The following ZNF614 variants were observed in gnomAD, a reference collection of about 807,000 sequenced individuals.
ZNF614 encodes zinc finger protein 614.
A neutral mutation model predicts 12.8 loss-of-function variants in ZNF614; 11 were observed. The ratio of observed to expected loss-of-function variants is 0.86; its 90% CI spans 0.54 to 1.43. The LOEUF (loss-of-function observed/expected upper bound fraction) is 1.43. Among genes scored for constraint, ZNF614 ranks in the 40% most tolerant of loss-of-function variants. The pLI, the probability that ZNF614 is intolerant of heterozygous loss-of-function variation, is 0.00. For missense variants in ZNF614, 664 were observed against 708.8 expected (o/e 0.94, Z 0.72); for synonymous variants, 237 against 237.5 (o/e 1.00, Z 0.02).
Position 52,016,973 on chromosome 19 carries a change from C to A in ZNF614, c.625G>T (p.Glu209Ter), listed in dbSNP as rs770095937. The A allele has an allele frequency of 6.2e-7, 1 of 1,613,750 alleles. No homozygotes were observed. Among genetic ancestry groups the A allele is most frequent in the Non-Finnish European group, 8.5e-7 (1 of 1,180,018 alleles). The stretch of plus-strand genomic sequence containing the variant: ...TTCCTAAGGAAGGTTTGCTCACATT[C>A]AATGCATGCATGGGGTTTCTCAATT... Reference protein sequence around the residue: ...QKIEKPHACIECEQTFLRKSQ... With the variant: ...QKIEKPHACI The change falls in exon 5 of 5, where the codon GAA becomes TAA. Residue 209 changes from glutamate (E) to a stop codon, truncating the protein, a stop_gained. Transcript: ENST00000270649. LOFTEE classifies it low-confidence loss of function (END_TRUNC).
At chr19:52,018,274 C>T in intron 3 of ZNF614, 94 bp downstream of exon 3, 1 of 1,591,998 alleles carries the variant, frequency 6.3e-7, no homozygotes, top group Non-Finnish European at 8.6e-7. Flanking sequence ...CTCTTCCAAA[C>T]ACCACAGTGA....
chr19:52,017,872 A>G, intron 4 of ZNF614, 136 bp downstream of exon 4: 1 of 610,118 alleles, frequency 1.6e-6, no homozygotes, highest in East Asian at 2.8e-5. Context: ...AACAGCATTA[A>G]AAAAGTTATC....
chr19:52,025,821 T>C lies in ZNF614; in HGVS notation c.-76A>G, dbSNP rs6509613. The C allele has an allele frequency of 0.086, 133,484 of 1,547,798 alleles. 10,286 individuals are homozygous for C. The highest frequency in any genetic ancestry group is 0.31 in the African/African-American group (22,735 of 72,348). Reference sequence around the variant, plus strand: ...CTCTTCTGCATTTGCCATGAAGTTTTTGAAGTTTTCCTAGTCAGAAATATT... The same window carrying C: ...CTCTTCTGCATTTGCCATGAAGTTTCTGAAGTTTTCCTAGTCAGAAATATT... On this transcript the variant is annotated 5_prime_UTR_variant, in exon 2 of 5. Transcript: ENST00000270649.
intron 1 of ZNF614, among the ~76,000 whole-genome samples, chr19:52,028,005 C>G (rs1399659239): frequency 1.3e-5 from 2 of 152,160 alleles, no homozygotes; most frequent in Non-Finnish European, 2.9e-5. Flanking sequence ...AAGGGAAAGA[C>G]CTGACCGTCC....
rs767439952 is a variant in ZNF614 at position 52,025,719 on chromosome 19, G to A, written c.15+12C>T. The A allele has an allele frequency of 1.2e-6, 2 of 1,613,806 alleles. No individual in the cohort carries two copies. The highest frequency in any genetic ancestry group is 1.7e-6 in the Non-Finnish European group (2 of 1,179,868). On this transcript the variant is annotated intron_variant, in intron 2 of 4. Transcript: ENST00000270649. ...CCATAAATCTATCAAAAAATCAAAG[G>A]GAAAATATCACCTGGGTCTTGATCA...
chr19:52,018,295 T>C, intron 3 of ZNF614, 73 bp downstream of exon 3: 1 of 1,607,854 alleles, frequency 6.2e-7, no homozygotes, highest in South Asian at 1.1e-5. Flanking sequence ...CTGTAAAGCT[T>C]TGATTAGGTG....
rs1289395410 is a variant in ZNF614 at position 52,025,724 on chromosome 19, A to G, written c.15+7T>C. 3.7e-6 allele frequency: 6 copies of G among 1,613,924 alleles called. No individual in the cohort carries two copies. In the Admixed American group the frequency reaches 5.0e-5, roughly 13 times the overall value. ...AATCTATCAAAAAATCAAAGGGAAA[A>G]TATCACCTGGGTCTTGATCATTTTC... On this transcript the variant is annotated splice_region_variant and intron_variant, in intron 2 of 4. Transcript: ENST00000270649.
chr19:52,028,105 C>T (rs540616300), intron 1 of ZNF614, 137 bp downstream of exon 1: 1 of 152,476 alleles, frequency 6.6e-6, no homozygotes, highest in East Asian at 1.9e-4. Context: ...ACTCTTCATC[C>T]CTACAGCCAA....
Position 52,018,114 on chromosome 19 carries a change from G to A in ZNF614, c.143-11C>T, listed in dbSNP as rs757222317. On this transcript the variant is annotated splice_polypyrimidine_tract_variant and intron_variant, in intron 3 of 4. Coordinates refer to ENST00000270649, the MANE Select transcript of ZNF614 (RefSeq NM_025040.4). ...TGCTAGTTTGATACCCTGTTCATGA[G>A]GAAAGACAAACACAAACATCCTGAA... 6.2e-7 allele frequency: 1 copy of A among 1,610,850 alleles called. No individual in the cohort carries two copies. Among genetic ancestry groups the A allele is most frequent in the Admixed American group, 1.7e-5 (1 of 59,982 alleles).
intron 2 of ZNF614, 44 bp from the exon 3 acceptor site, chr19:52,018,538 G>T (rs140987266): frequency 3.8e-6 from 6 of 1,560,962 alleles, no homozygotes; most frequent in Non-Finnish European, 5.2e-6. Context: ...AACTCCTATT[G>T]TTAATATAGA....
intron 2 of ZNF614, among the ~76,000 whole-genome samples, chr19:52,019,761 CA>C (rs1362942698): frequency 6.6e-6 from 1 of 152,220 alleles, no homozygotes; most frequent in Non-Finnish European, 1.5e-5. Flanking sequence ...ACCATGATAT[CA>C]AGGACCTGTT....
chr19:52,018,058 C>T lies in ZNF614; in HGVS notation c.188G>A (p.Gly63Glu). The change falls in exon 4 of 5, where the codon GGA (glycine) becomes GAA (glutamate). Residue 63 changes from glycine (G) to glutamate (E), a missense_variant. Gly to Glu is a moderately conservative substitution (Grantham distance 98). Coordinates refer to ENST00000270649, the MANE Select transcript of ZNF614 (RefSeq NM_025040.4). ...KPDVLSKLAHGQEPWTTDAKI... is the reference protein window; with the variant it reads ...KPDVLSKLAHEQEPWTTDAKI... Reference sequence around the variant, plus strand: ...AGCATCTGTTGTCCATGGTTCTTGTCCATGTGCCAACTTGGAGAGTACATC... The same window carrying T: ...AGCATCTGTTGTCCATGGTTCTTGTTCATGTGCCAACTTGGAGAGTACATC... 5 of 1,614,020 alleles carry T rather than the reference C, an allele frequency of 3.1e-6. No homozygotes were observed. Among genetic ancestry groups the T allele is most frequent in the Non-Finnish European group, 4.2e-6 (5 of 1,179,968 alleles).
intron 2 of ZNF614, among the ~76,000 whole-genome samples, chr19:52,023,578 T>G (rs2086948861): frequency 6.6e-6 from 1 of 152,124 alleles, no homozygotes; most frequent in South Asian, 2.1e-4. Flanking sequence ...AGTCACCTCA[T>G]GAGCAGAAAT....
chr19:52,017,662 T>G, intron 4 of ZNF614: 1 of 364,090 alleles, frequency 2.7e-6, no homozygotes, highest in Non-Finnish European at 4.9e-6. Flanking sequence ...GATTGGGCCA[T>G]TGCACTCCAG....
chr19:52,025,595 C>A, intron 2 of ZNF614, 136 bp downstream of exon 2: 2 of 981,792 alleles, frequency 2.0e-6, no homozygotes, highest in Admixed American at 4.3e-5. Context: ...CAGAATGAAC[C>A]CCCACCTCTA....
At chr19:52,017,976 T>TA (rs1307621483) in intron 4 of ZNF614, 32 bp downstream of exon 4, 1 of 1,554,964 alleles carries the variant, frequency 6.4e-7, no homozygotes, top group Non-Finnish European at 8.9e-7. Context: ...ATAAGACTCC[T>TA]ATAGCCACTG....
Position 52,026,014 on chromosome 19 carries a change from C to T in ZNF614, c.-216-53G>A, listed in dbSNP as rs192827786. ...CATTAACCCTGGGTCCAGACATTGT[C>T]ACTGCTGCTCTGCACTTACCTTAAA... On this transcript the variant is annotated intron_variant, in intron 1 of 4. Coordinates refer to ENST00000270649, the MANE Select transcript of ZNF614 (RefSeq NM_025040.4). 311 of 446,548 alleles carry T rather than the reference C, an allele frequency of 7.0e-4. 3 individuals are homozygous for T. Among genetic ancestry groups the T allele is most frequent in the African/African-American group, 5.9e-3 (296 of 50,340 alleles). 27.7% of individuals were successfully genotyped at this position (446,548 alleles called of 1,614,324 possible). A position where few individuals can be genotyped will look rare whatever the true frequency, so the allele number is the denominator to read the frequency against.
At position 52,015,622 on chromosome 19, in the gene ZNF614, A is replaced by G. The variant is rs1028966297; in HGVS notation, c.*218T>C. Reference sequence around the variant, plus strand: ...TTTCATTGACAGAAAATATGAGGTAAAAGACCACTAAAGGCACTACCTTAT... The same window carrying G: ...TTTCATTGACAGAAAATATGAGGTAGAAGACCACTAAAGGCACTACCTTAT... On this transcript the variant is annotated 3_prime_UTR_variant, in exon 5 of 5. Transcript: ENST00000270649. 1 of 471,384 alleles carries G rather than the reference A, an allele frequency of 2.1e-6. No homozygotes were observed. Among genetic ancestry groups the G allele is most frequent in the South Asian group, 3.8e-5 (1 of 26,154 alleles). The allele number at this position is 471,384 out of a possible 1,614,324, so 29.2% of individuals were successfully genotyped here. A position where few individuals can be genotyped will look rare whatever the true frequency, so the allele number is the denominator to read the frequency against.
intron 2 of ZNF614, among the ~76,000 whole-genome samples, chr19:52,020,075 C>T (rs546773823): frequency 6.6e-6 from 1 of 152,254 alleles, no homozygotes; most frequent in South Asian, 2.1e-4. Context: ...TCTTGCAGGC[C>T]AACTCTAAGG....
Sources: gnomAD v4.1 joint callset for allele counts (sites outside exome capture counted in the v4.1 genomes callset) on GRCh38, gnomAD v4.1.1 for gene constraint, MANE v1.5 for transcripts, NCBI Gene and HGNC (gene_info 2026-07-23, HGNC 2026-07-21) for gene names.